RARA: variants seen among roughly 807,000 people sequenced by gnomAD.
RARA encodes PML-DDX5-RARA fusion.
Under a neutral mutation model 42.8 loss-of-function variants are expected in RARA, and 5 were observed. That is an observed-to-expected ratio of 0.12 (90% CI 0.06 to 0.25). The LOEUF is 0.25. Among genes scored for constraint, RARA ranks in the 10% least tolerant of loss-of-function variants. The pLI is 1.00. For synonymous variants in RARA, 256 were observed against 259.5 expected, an observed-to-expected ratio of 0.99 and a Z score of 0.13; for missense variants, 402 against 628.7, an observed-to-expected ratio of 0.64 and a Z score of 3.86.
intron 2 of RARA, among the ~76,000 whole-genome samples, chr17:40,333,275 C>G (rs1255633258): frequency 6.6e-6 from 1 of 152,174 alleles, no homozygotes; most frequent in Admixed American, 6.5e-5. Context: ...GTCTTGAACT[C>G]CTGACCTCAT....
intron 2 of RARA, among the ~76,000 whole-genome samples, chr17:40,334,073 G>A (rs1242922627): frequency 6.6e-6 from 1 of 152,222 alleles, no homozygotes; most frequent in Non-Finnish European, 1.5e-5. Context: ...TTGGAGGGTT[G>A]GAGGTGGGGG....
intron 2 of RARA, among the ~76,000 whole-genome samples, chr17:40,337,809 A>G (rs1290421143): frequency 6.6e-6 from 1 of 152,148 alleles, no homozygotes; most frequent in Non-Finnish European, 1.5e-5. Context: ...CCTTCTTCCT[A>G]TCCTCTGCCA....
intron 2 of RARA, among the ~76,000 whole-genome samples, chr17:40,339,195 G>C (rs2033948810): frequency 6.6e-6 from 1 of 152,116 alleles, no homozygotes; most frequent in African/African-American, 2.4e-5. Context: ...TTGGGGGATG[G>C]TGCCACTCTA....
Position 40,356,257 on chromosome 17 carries a change from C to T in RARA, c.*31C>T, listed in dbSNP as rs1160274962. On this transcript the variant is annotated 3_prime_UTR_variant, in exon 9 of 9. Transcript: ENST00000254066. ...CACGCCACATGGACACAGCCCTCGC[C>T]CTCCGCCCCGGCTTTTCTCTGCCTT... 1 of 1,541,238 alleles carries T rather than the reference C, an allele frequency of 6.5e-7. No individual in the cohort carries two copies.
At chr17:40,321,012 A>G (rs1200689758) in intron 1 of RARA, among the ~76,000 whole-genome samples, 2 of 151,992 alleles carry the variant, frequency 1.3e-5, no homozygotes, top group African/African-American at 4.8e-5. Flanking sequence ...TTGGCTGAAC[A>G]TTCTCTCTGA....
At chr17:40,315,100 G>GTATATATA (rs10653964) in intron 1 of RARA, among the ~76,000 whole-genome samples, 115 of 72,802 alleles carry the variant, frequency 1.6e-3, no homozygotes, top group South Asian at 5.7e-3. Flanking sequence ...TGGGTTATAT[G>GTATATATA]TATATATATA....
intron 1 of RARA, among the ~76,000 whole-genome samples, chr17:40,323,553 C>T (rs978326044): frequency 6.6e-6 from 1 of 151,878 alleles, no homozygotes; most frequent in African/African-American, 2.4e-5. Context: ...ACACAGCCTG[C>T]ACCCGCTTCT....
In RARA at chr17:40,356,385, C is replaced by T; in HGVS notation, c.*159C>T. On this transcript the variant is annotated 3_prime_UTR_variant, in exon 9 of 9. Transcript: ENST00000254066. ...ACGGGGAGGGAGGAGGCAGCGACTC[C>T]TTGGACAGAGGCCTGGGCCCTCAGT... 1 of 852,032 alleles carries T rather than the reference C, an allele frequency of 1.2e-6. No homozygotes were observed. The highest frequency in any genetic ancestry group is 1.9e-6 in the Non-Finnish European group (1 of 522,496). 52.8% of individuals were successfully genotyped at this position (852,032 alleles called of 1,614,324 possible).
At position 40,351,459 on chromosome 17, in the gene RARA, C is replaced by A. The variant is rs1285767796; in HGVS notation, c.470-451C>A. The A allele has an allele frequency of 4.2e-6, 2 of 472,166 alleles. No individual in the cohort carries two copies. The highest frequency in any genetic ancestry group is 4.0e-5 in the African/African-American group (2 of 50,124). The allele number at this position is 472,166 out of a possible 1,614,324, so 29.2% of individuals were successfully genotyped here. On this transcript the variant is annotated intron_variant, in intron 4 of 8. Coordinates refer to ENST00000254066, the MANE Select transcript of RARA (RefSeq NM_000964.4). This position sits in a 1 kb window ranked among gnomAD's most constrained non-coding sequence, Gnocchi z 4.1. Reference sequence around the variant, plus strand: ...CACTCTCAGGCTGGGGAGCCCTACTCCCCACTTGCCCCAGGAGCTGCTCAG... The same window carrying A: ...CACTCTCAGGCTGGGGAGCCCTACTACCCACTTGCCCCAGGAGCTGCTCAG...
At chr17:40,315,667 C>G (rs1443491787) in intron 1 of RARA, among the ~76,000 whole-genome samples, 1 of 152,138 alleles carries the variant, frequency 6.6e-6, no homozygotes, top group African/African-American at 2.4e-5. Context: ...TTTCCACAGG[C>G]TGTGAGAAGA....
Position 40,356,323 on chromosome 17 carries a change from T to C in RARA, c.*97T>C. 5 of 1,323,520 alleles carry C rather than the reference T, an allele frequency of 3.8e-6. No homozygotes were observed. The highest frequency in any genetic ancestry group is 2.5e-5 in the East Asian group (1 of 39,984). 82.0% of individuals were successfully genotyped at this position (1,323,520 alleles called of 1,614,324 possible). A position where few individuals can be genotyped will look rare whatever the true frequency, so the allele number is the denominator to read the frequency against. On this transcript the variant is annotated 3_prime_UTR_variant, in exon 9 of 9. Coordinates refer to ENST00000254066, the MANE Select transcript of RARA (RefSeq NM_000964.4). The stretch of plus-strand genomic sequence containing the variant: ...ACCCCGCACCAGCCCTGCCCCCACC[T>C]GCCCTCCCGGGCAGTACTGGGGACC...
Position 40,352,378 on chromosome 17 carries a change from C to G in RARA, c.678C>G (p.Asp226Glu), listed in dbSNP as rs1043230133. ...TCTCTCTGGACATTGACCTCTGGGA[C>G]AAGTTCAGTGAACTCTCCACCAAGT... ...QRVSLDIDLW[D>E]KFSELSTKCI... is the part of the protein sequence containing the mutation. Residue 226 changes from aspartate (D) to glutamate (E), a missense_variant, in exon 6 of 9, where the codon GAC (aspartate) becomes GAG (glutamate). Asp to Glu is a conservative substitution (Grantham distance 45, BLOSUM62 2). This residue lies in a region of RARA where 130 missense variants were observed against 267.9 expected (regional missense o/e 0.49). Transcript: ENST00000254066. The surrounding 1 kb of genome is among the most constrained non-coding windows in gnomAD (Gnocchi z 4.9). 7 of 1,613,136 alleles carry G rather than the reference C, an allele frequency of 4.3e-6. No homozygotes were observed. The African/African-American group carries it at 9.3e-5, about 22-fold the overall frequency.
At position 40,320,504 on chromosome 17, in the gene RARA, C is replaced by T. The variant is rs577119302; in HGVS notation, c.-362-10353C>T. On this transcript the variant is annotated intron_variant, in intron 1 of 8. Coordinates refer to ENST00000254066, the MANE Select transcript of RARA (RefSeq NM_000964.4). The surrounding 1 kb of genome is among the most constrained non-coding windows in gnomAD (Gnocchi z 4.1). ...CTGTTTTGGGGACATTCACCCAGAC[C>T]CCAGCTAATGCGCGCCCCTTCCCCT... is the stretch of plus-strand genomic sequence containing the variant. 6.6e-6 allele frequency among the ~76,000 whole-genome samples: 1 copy of T among 152,294 alleles called. No homozygotes were observed. The highest frequency in any genetic ancestry group is 2.4e-5 in the African/African-American group (1 of 41,564).
intron 2 of RARA, among the ~76,000 whole-genome samples, chr17:40,335,675 G>T (rs932046126): frequency 1.4e-5 from 2 of 146,416 alleles, no homozygotes; most frequent in Admixed American, 1.4e-4. Flanking sequence ...GGGGGATAGA[G>T]CGAGCCTCTG....
chr17:40,355,834 C>A lies in RARA; in HGVS notation c.1172-175C>A, dbSNP rs906609529. Among the ~76,000 whole-genome samples the A allele has an allele frequency of 1.3e-5, 2 of 152,260 alleles. No individual in the cohort carries two copies. The highest frequency in any genetic ancestry group is 1.3e-4 in the Admixed American group (2 of 15,292). On this transcript the variant is annotated intron_variant, in intron 8 of 8. Coordinates refer to ENST00000254066, the MANE Select transcript of RARA (RefSeq NM_000964.4). This position sits in a 1 kb window ranked among gnomAD's most constrained non-coding sequence, Gnocchi z 4.1. The stretch of plus-strand genomic sequence containing the variant: ...AGTTCGGGACCACTTTGCCCCATTG[C>A]CACCAGCCTCTGGACCTGGGGGCTT...
At position 40,355,931 on chromosome 17, in the gene RARA, C is replaced by T. The variant is rs186061730; in HGVS notation, c.1172-78C>T. 5 of 1,312,088 alleles carry T rather than the reference C, an allele frequency of 3.8e-6. No individual in the cohort carries two copies. In the Admixed American group the frequency reaches 1.2e-4, roughly 31 times the overall value. The allele number at this position is 1,312,088 out of a possible 1,614,324, so 81.3% of individuals were successfully genotyped here. ...AATATCAGCAGTATTGATCTTCCCA[C>T]CTCGAGCCAGGCTTGCTGGGGCTGG... is the stretch of plus-strand genomic sequence containing the variant. On this transcript the variant is annotated intron_variant, in intron 8 of 8. Coordinates refer to ENST00000254066, the MANE Select transcript of RARA (RefSeq NM_000964.4). The surrounding 1 kb of genome is among the most constrained non-coding windows in gnomAD (Gnocchi z 4.1).
At chr17:40,344,559 G>A (rs1211369328) in intron 2 of RARA, among the ~76,000 whole-genome samples, 1 of 152,144 alleles carries the variant, frequency 6.6e-6, no homozygotes, top group South Asian at 2.1e-4. Flanking sequence ...TCCTGGCCCA[G>A]AACTGGAGAG....
At chr17:40,325,299 A>AT (rs2033508421) in intron 1 of RARA, among the ~76,000 whole-genome samples, 7 of 151,950 alleles carry the variant, frequency 4.6e-5, no homozygotes, top group South Asian at 4.2e-4. Context: ...AAATAAATAA[A>AT]AAGAGGCTGG....
At chr17:40,324,355 C>T (rs2033478436) in intron 1 of RARA, among the ~76,000 whole-genome samples, 1 of 152,016 alleles carries the variant, frequency 6.6e-6, no homozygotes, top group Admixed American at 6.5e-5. Flanking sequence ...TACCCCCTGC[C>T]CTTTCACCTA....
Sources: allele counts gnomAD v4.1 joint callset (sites outside exome capture counted in the v4.1 genomes callset), GRCh38; gene constraint gnomAD v4.1.1; regional missense constraint gnomAD v4.1.1; non-coding constraint Gnocchi (gnomAD v3.1); transcripts MANE v1.5; gene names NCBI Gene and HGNC (gene_info 2026-07-23, HGNC 2026-07-21).